TRPC5: variants seen among roughly 807,000 people sequenced by gnomAD.
TRPC5 encodes transient receptor potential cation channel subfamily C member 5.
A neutral mutation model predicts 56.5 loss-of-function variants in TRPC5; 9 were observed. That is an observed-to-expected ratio of 0.16 (90% confidence interval 0.10 to 0.28). The LOEUF is 0.28. Among genes scored for constraint, TRPC5 ranks in the 10% least tolerant of loss-of-function variants. TRPC5 has a pLI of 1.00. For missense variants in TRPC5, 469 were observed against 748.9 expected, an observed-to-expected ratio of 0.63 and a Z score of 4.36; for synonymous variants, 282 against 278.5, an observed-to-expected ratio of 1.01 and a Z score of -0.13.
chrX:111,823,509 C>T (rs777950642), intron 7 of TRPC5, among the ~76,000 whole-genome samples: 6 of 111,491 alleles, frequency 5.4e-5, no homozygotes, highest in Admixed American at 9.6e-5. Context: ...GTCATACAAA[C>T]GAACTTGGTA....
chrX:111,788,587 T>G (rs746124903), intron 7 of TRPC5, among the ~76,000 whole-genome samples: 5 of 111,629 alleles, frequency 4.5e-5, no homozygotes, highest in Non-Finnish European at 9.4e-5. Context: ...GAGAAAGAAA[T>G]AAAGGATATT....
Position 111,776,440 on chromosome X carries a change from A to G in TRPC5, c.2795T>C (p.Ile932Thr). 8.3e-7 allele frequency: 1 copy of G among 1,211,520 alleles called. No individual in the cohort carries two copies. Among genetic ancestry groups the G allele is most frequent in the Non-Finnish European group, 1.1e-6 (1 of 895,413 alleles). Reference protein sequence around the residue: ...CSSSLHCASSICSSNSKLLDS... With the variant: ...CSSSLHCASSTCSSNSKLLDS... ...TAAAAGTTTAGAATTTGAGGAGCAG[A>G]TGCTGGATGCACAGTGAAGAGAGCT... Residue 932 changes from isoleucine to threonine, a missense_variant, in exon 11 of 11, where the codon ATC becomes ACC. Physicochemically the swap from Ile to Thr is moderately conservative, Grantham distance 89. Transcript: ENST00000262839.
chrX:111,791,876 C>T (rs1174424967), intron 7 of TRPC5, among the ~76,000 whole-genome samples: 2 of 112,400 alleles, frequency 1.8e-5, no homozygotes, highest in Admixed American at 9.4e-5. Context: ...TAAATTAGTT[C>T]AACCCTGTGG....
rs752194815 is a variant in TRPC5 at position 112,064,479 on chromosome X, CCAT to C, written c.-22+17397_-22+17399del. 3.6e-5 allele frequency among the ~76,000 whole-genome samples: 4 copies of C among 111,956 alleles called. No homozygotes were observed. The East Asian group carries it at 1.1e-3, about 32-fold the overall frequency. On this transcript the variant is annotated intron_variant, in intron 1 of 10. Transcript: ENST00000262839. ...TATATTCCCTCCTGCAATGTGGAGA[CCAT>C]AGAGCTGCTACCAATTGTGCCAGCT...
rs1046427433 is a variant in TRPC5 at position 111,768,841 on chromosome X, G to T, written c.*7472C>A. 4.5e-5 allele frequency among the ~76,000 whole-genome samples: 5 copies of T among 111,513 alleles called. No individual in the cohort carries two copies. Among genetic ancestry groups the T allele is most frequent in the African/African-American group, 1.6e-4 (5 of 30,703 alleles). On this transcript the variant is annotated 3_prime_UTR_variant, in exon 11 of 11. Transcript: ENST00000262839. ...GTTAAGACACTTGAGAATTCTGGCT[G>T]CTTCTCCTGCCCACGTACACTAAGC...
chrX:112,072,779 A>G (rs1930746623), intron 1 of TRPC5, among the ~76,000 whole-genome samples: 1 of 110,501 alleles, frequency 9.0e-6, no homozygotes. Context: ...ACCTTTCCTT[A>G]TCTTCCTTCA....
chrX:111,888,713 A>G lies in TRPC5; in HGVS notation c.900+23578T>C, dbSNP rs1257513643. On this transcript the variant is annotated intron_variant, in intron 3 of 10. Transcript: ENST00000262839. ...TATCTCAAAAAAAAAAAAAAAAAAAAAAAAAAGAAAGAAAAGAAAAGAAAA... is the reference window on the plus strand; with the variant it reads ...TATCTCAAAAAAAAAAAAAAAAAAAGAAAAAAGAAAGAAAAGAAAAGAAAA... Among the ~76,000 whole-genome samples the G allele has an allele frequency of 7.8e-4, 82 of 104,868 alleles. 3 individuals carry two copies. Among genetic ancestry groups the G allele is most frequent in the African/African-American group, 2.8e-3 (80 of 28,738 alleles). The allele number at this position is 104,868 out of a possible 115,157, so 91.1% of individuals were successfully genotyped here.
At position 111,809,592 on chromosome X, in the gene TRPC5, C is replaced by G. The variant is rs993530280; in HGVS notation, c.1896+25329G>C. On this transcript the variant is annotated intron_variant, in intron 7 of 10. Transcript: ENST00000262839. ...CTGTCTTTTCTACCCTCTTCAGTGT[C>G]TCTTTCAGCAATACGAGGTTAAAAA... Among the ~76,000 whole-genome samples, 72 of 112,051 alleles carry G rather than the reference C, an allele frequency of 6.4e-4. 2 individuals carry two copies. Among genetic ancestry groups the G allele is most frequent in the Non-Finnish European group, 1.1e-4 (6 of 53,216 alleles).
chrX:112,043,461 A>G (rs771316281), intron 1 of TRPC5, among the ~76,000 whole-genome samples: 5 of 111,317 alleles, frequency 4.5e-5, no homozygotes, highest in Admixed American at 9.5e-5. Flanking sequence ...TTCCAAAAGT[A>G]GCTACTGGCT....
rs1377183973 is a variant in TRPC5 at position 111,769,821 on chromosome X, A to G, written c.*6492T>C. Among the ~76,000 whole-genome samples, 1 of 111,924 alleles carries G rather than the reference A, an allele frequency of 8.9e-6. No individual in the cohort carries two copies. The highest frequency in any genetic ancestry group is 3.2e-5 in the African/African-American group (1 of 30,833). ...AGAGAAAGTGGTACTCATCTTGACT[A>G]CCACATGTTTTACCAAGTGTGGATC... is the stretch of plus-strand genomic sequence containing the variant. On this transcript the variant is annotated 3_prime_UTR_variant, in exon 11 of 11. Transcript: ENST00000262839.
intron 1 of TRPC5, among the ~76,000 whole-genome samples, chrX:112,066,825 G>A (rs1445061014): frequency 8.9e-6 from 1 of 112,149 alleles, no homozygotes; most frequent in East Asian, 2.8e-4. Flanking sequence ...TCAGTTTGAG[G>A]GATAATGTGG....
intron 7 of TRPC5, among the ~76,000 whole-genome samples, chrX:111,794,011 T>C: frequency 9.0e-6 from 1 of 111,172 alleles, no homozygotes. Flanking sequence ...GACAAATCCA[T>C]AGAAACAGAA....
Position 111,776,394 on chromosome X carries a change from A to C in TRPC5, c.2841T>G (p.Phe947Leu). 2 of 1,209,516 alleles carry C rather than the reference A, an allele frequency of 1.7e-6. No individual in the cohort carries two copies. The highest frequency in any genetic ancestry group is 2.2e-6 in the Non-Finnish European group (2 of 894,796). ...SKLLDSSEDV[F>L]ETWGEACDLL... ...AGTCACAAGCCTCTCCCCAAGTTTCAAATACATCCTCTGAGGAGTCTAAAA... is the reference window on the plus strand; with the variant it reads ...AGTCACAAGCCTCTCCCCAAGTTTCCAATACATCCTCTGAGGAGTCTAAAA... Residue 947 changes from phenylalanine to leucine, a missense_variant, in exon 11 of 11, where the codon TTT becomes TTG. Phe to Leu is a conservative substitution (Grantham distance 22, BLOSUM62 0). Around this residue, in one of 3 missense-constraint regions of TRPC5, gnomAD observed 194 missense variants for 221.8 expected, o/e 0.87. Coordinates refer to ENST00000262839, the MANE Select transcript of TRPC5 (RefSeq NM_012471.3).
chrX:112,038,705 A>G (rs771672184), intron 1 of TRPC5, among the ~76,000 whole-genome samples: 2 of 109,720 alleles, frequency 1.8e-5, no homozygotes, highest in South Asian at 8.0e-4. Flanking sequence ...TTTTTGAGAC[A>G]GAGTCTCGCT....
At chrX:111,837,962 C>T (rs771012781) in intron 6 of TRPC5, among the ~76,000 whole-genome samples, 3 of 105,557 alleles carry the variant, frequency 2.8e-5, no homozygotes, top group South Asian at 4.4e-4. Flanking sequence ...GTCTCAGCTA[C>T]GTGGGAGGCT....
chrX:111,815,702 CAGAG>C (rs1921839584), intron 7 of TRPC5, among the ~76,000 whole-genome samples: 1 of 109,836 alleles, frequency 9.1e-6, no homozygotes, highest in African/African-American at 3.3e-5. Context: ...GCCTGGGAGA[CAGAG>C]AGAGACAGAG....
chrX:111,993,590 C>CATTCTAACTGGTCTAA (rs1161524199), intron 1 of TRPC5, among the ~76,000 whole-genome samples: 1 of 112,188 alleles, frequency 8.9e-6, no homozygotes, highest in Non-Finnish European at 1.9e-5. Context: ...TAATGATTGC[C>CATTCTAACTGGTCTAA]ATTCTAACTG....
chrX:111,933,904 A>C lies in TRPC5; in HGVS notation c.378+18139T>G, dbSNP rs1424058647. Among the ~76,000 whole-genome samples, 5 of 111,081 alleles carry C rather than the reference A, an allele frequency of 4.5e-5. No homozygotes were observed. The South Asian group carries it at 1.9e-3, about 41-fold the overall frequency. ...TTTATTATTTTAAATTTTGTTTTTA[A>C]TTGATTCATTATTGTACATATTTAT... On this transcript the variant is annotated intron_variant, in intron 2 of 10. Transcript: ENST00000262839.
chrX:111,900,205 A>G (rs1569527719), intron 3 of TRPC5, among the ~76,000 whole-genome samples: 1 of 111,664 alleles, frequency 9.0e-6, no homozygotes, highest in African/African-American at 3.3e-5. Context: ...GCTGGGCCCC[A>G]CTCTGGTCAG....
Sources: allele counts gnomAD v4.1 joint callset (sites outside exome capture counted in the v4.1 genomes callset), GRCh38; gene constraint gnomAD v4.1.1; regional missense constraint gnomAD v4.1.1; transcripts MANE v1.5; gene names NCBI Gene and HGNC (gene_info 2026-07-23, HGNC 2026-07-21).